Variants in DPF3 observed in about 807,000 individuals in gnomAD.
The protein encoded by DPF3 is zinc finger protein DPF3.
A neutral mutation model predicts 56.8 loss-of-function variants in DPF3; 18 were observed. The ratio of observed to expected loss-of-function variants is 0.32; its 90% CI spans 0.22 to 0.47. The LOEUF is 0.47. Ranked by LOEUF, DPF3 falls within the 20% of genes least tolerant of loss-of-function variation. DPF3 has a pLI of 1.00. For synonymous variants in DPF3, 188 were observed against 180.2 expected (o/e 1.04, Z -0.35); for missense variants, 403 against 488.8 (o/e 0.82, Z 1.65).
At chr14:72,711,804 A>T (rs1412810870) in intron 6 of DPF3, among the ~76,000 whole-genome samples, 1 of 152,132 alleles carries the variant, frequency 6.6e-6, no homozygotes, top group Non-Finnish European at 1.5e-5. Flanking sequence ...AGCTGGCATC[A>T]TGGAAGAAAG....
At chr14:72,789,906 C>T (rs111557668) in intron 1 of DPF3, among the ~76,000 whole-genome samples, 12,465 of 152,252 alleles carry the variant, frequency 0.082, 775 homozygotes, top group South Asian at 0.21. Context: ...AACTCCTTAG[C>T]TCTGGCACTC....
At chr14:72,625,461 C>T (rs1418331709) in intron 9 of DPF3, among the ~76,000 whole-genome samples, 1 of 152,172 alleles carries the variant, frequency 6.6e-6, no homozygotes, top group Non-Finnish European at 1.5e-5. Flanking sequence ...CTTTCTGACA[C>T]CACATAATCC....
At chr14:72,892,003 A>AAAAC in intron 1 of DPF3, 1 of 942,882 alleles carries the variant, frequency 1.1e-6, no homozygotes, top group East Asian at 2.9e-5. Flanking sequence ...CCCTACACAG[A>AAAAC]CTCCCTCCCC....
In DPF3 at chr14:72,629,671, A is replaced by G; in HGVS notation, c.937T>C (p.Cys313Arg). The G allele has an allele frequency of 2.0e-6, 3 of 1,536,092 alleles. No individual in the cohort carries two copies. The highest frequency in any genetic ancestry group is 2.6e-6 in the Non-Finnish European group (3 of 1,146,874). ...TEAVKTYKWQCIECKSCILCG... is the reference protein window; with the variant it reads ...TEAVKTYKWQRIECKSCILCG... ...AGGATACAGGATTTGCACTCTATGC[A>G]CTGCCACTTGTAGGTCTTGACAGCC... The change falls in exon 9 of 11, where the codon TGC (cysteine) becomes CGC (arginine). Residue 313 changes from cysteine (C) to arginine (R), a missense_variant. Physicochemically the swap from Cys to Arg is radical, Grantham distance 180. Around this residue, in one of 2 missense-constraint regions of DPF3, gnomAD observed 63 missense variants for 114.4 expected, o/e 0.55. Transcript: ENST00000556509.
At chr14:72,640,194 TGCTAGAAAGGTATGAGGA>T (rs752730847) in intron 8 of DPF3, among the ~76,000 whole-genome samples, 2 of 151,618 alleles carry the variant, frequency 1.3e-5, no homozygotes, top group Non-Finnish European at 2.9e-5. Context: ...CAGGAGATGA[TGCTAGAAAGGTATGAGGA>T]AAGATTATGA....
At chr14:72,849,779 T>A (rs993965831) in intron 1 of DPF3, among the ~76,000 whole-genome samples, 1 of 152,150 alleles carries the variant, frequency 6.6e-6, no homozygotes, top group Non-Finnish European at 1.5e-5. Context: ...ATACGGCCCC[T>A]GGGATTGCTT....
At chr14:72,693,298 C>G (rs1458848369) in intron 6 of DPF3, 85 bp from the exon 7 acceptor site, 3 of 1,450,628 alleles carry the variant, frequency 2.1e-6, no homozygotes, top group African/African-American at 2.8e-5. Flanking sequence ...AGACAGTGAT[C>G]CCATCCATCC....
intron 1 of DPF3, chr14:72,805,969 A>G (rs1261389500): frequency 6.6e-6 from 1 of 152,020 alleles, no homozygotes; most frequent in Non-Finnish European, 1.5e-5. Flanking sequence ...CATGGGTTCC[A>G]CCTCTTCTGG....
intron 4 of DPF3, among the ~76,000 whole-genome samples, chr14:72,726,815 T>C (rs115141694): frequency 1.3e-5 from 2 of 152,222 alleles, no homozygotes; most frequent in African/African-American, 2.4e-5. Context: ...AAACAGTCTT[T>C]ATGGTGATAA....
At chr14:72,714,310 A>G in intron 6 of DPF3, 113 bp downstream of exon 6, 1 of 1,316,308 alleles carries the variant, frequency 7.6e-7, no homozygotes. Flanking sequence ...AGACAGAGGA[A>G]GAGGAGAGCA....
chr14:72,814,681 G>T (rs1174846867), intron 1 of DPF3, among the ~76,000 whole-genome samples: 1 of 152,050 alleles, frequency 6.6e-6, no homozygotes, highest in Non-Finnish European at 1.5e-5. Context: ...TGGTCATGAT[G>T]GCAGGTGCCT....
At chr14:72,720,274 C>T (rs1298269134) in intron 5 of DPF3, among the ~76,000 whole-genome samples, 1 of 152,156 alleles carries the variant, frequency 6.6e-6, no homozygotes, top group African/African-American at 2.4e-5. Context: ...AAGAGGATCG[C>T]TTGAGGCCAG....
intron 8 of DPF3, among the ~76,000 whole-genome samples, chr14:72,635,075 A>T (rs936073445): frequency 2.0e-5 from 3 of 152,006 alleles, no homozygotes; most frequent in Admixed American, 1.3e-4. Flanking sequence ...TTCAGCCCTA[A>T]CCCTTCCAGA....
chr14:72,836,391 A>G (rs895490555), intron 1 of DPF3: 1 of 985,546 alleles, frequency 1.0e-6, no homozygotes, highest in Non-Finnish European at 1.2e-6. Flanking sequence ...AGCAGGGGGC[A>G]AACCCCTGGC....
chr14:72,675,213 C>T (rs1400360652), intron 7 of DPF3, among the ~76,000 whole-genome samples: 1 of 152,214 alleles, frequency 6.6e-6, no homozygotes. Flanking sequence ...GAAAACAAAG[C>T]CTGTGAGGAG....
intron 1 of DPF3, among the ~76,000 whole-genome samples, chr14:72,855,205 C>T (rs1319056534): frequency 6.6e-6 from 1 of 152,168 alleles, no homozygotes; most frequent in African/African-American, 2.4e-5. Flanking sequence ...GGATGACCTA[C>T]GCTTACCTGT....
At chr14:72,665,210 T>C in intron 8 of DPF3, among the ~76,000 whole-genome samples, 1 of 152,284 alleles carries the variant, frequency 6.6e-6, no homozygotes, top group South Asian at 2.1e-4. Flanking sequence ...ATTTTAACTA[T>C]TTGTGAATTT....
At chr14:72,665,561 G>A (rs1886407930) in intron 8 of DPF3, among the ~76,000 whole-genome samples, 2 of 152,210 alleles carry the variant, frequency 1.3e-5, no homozygotes, top group Non-Finnish European at 2.9e-5. Context: ...TTAGTCATTA[G>A]AAAAACAGCA....
At chr14:72,764,331 G>A (rs557425149) in intron 2 of DPF3, among the ~76,000 whole-genome samples, 2 of 152,180 alleles carry the variant, frequency 1.3e-5, no homozygotes, top group East Asian at 1.9e-4. Context: ...ACATGTGGGG[G>A]TGCTGGGAGG....
Sources: gnomAD v4.1 joint callset for allele counts (sites outside exome capture counted in the v4.1 genomes callset) on GRCh38, gnomAD v4.1.1 for gene constraint, gnomAD v4.1.1 regional missense constraint, MANE v1.5 for transcripts, NCBI Gene and HGNC (gene_info 2026-07-23, HGNC 2026-07-21) for gene names.